Variants in GBF1 observed in about 807,000 individuals in gnomAD.
GBF1 encodes the protein Golgi-specific brefeldin A-resistance guanine nucleotide exchange factor 1.
A neutral mutation model predicts 210.5 loss-of-function variants in GBF1; 114 were observed. That is an observed-to-expected ratio of 0.54 (90% CI 0.47 to 0.63). The LOEUF (loss-of-function observed/expected upper bound fraction) is 0.63. Among genes scored for constraint, GBF1 ranks in the 30% least tolerant of loss-of-function variants. The pLI, the probability that GBF1 is intolerant of heterozygous loss-of-function variation, is 0.00. For synonymous variants in GBF1, 850 were observed against 889.2 expected (o/e 0.96, Z 0.78); for missense variants, 1,851 against 2,357.7 (o/e 0.79, Z 4.45).
chr10:102,252,877 A>G (rs1387814459), intron 1 of GBF1, among the ~76,000 whole-genome samples: 2 of 150,922 alleles, frequency 1.3e-5, no homozygotes, highest in Non-Finnish European at 2.9e-5. Context: ...TTAACTTTTT[A>G]GGGTCTTTTA....
intron 3 of GBF1, among the ~76,000 whole-genome samples, chr10:102,334,508 A>G (rs937952800): frequency 9.2e-5 from 14 of 152,330 alleles, no homozygotes; most frequent in African/African-American, 3.4e-4. Flanking sequence ...GGCCTTTGAC[A>G]TAGATTATCA....
At chr10:102,328,929 G>C (rs1208116702) in intron 3 of GBF1, among the ~76,000 whole-genome samples, 1 of 152,194 alleles carries the variant, frequency 6.6e-6, no homozygotes, top group Admixed American at 6.5e-5. Flanking sequence ...GCTGCTCCAA[G>C]TGTAATGACT....
intron 39 of GBF1, among the ~76,000 whole-genome samples, chr10:102,381,601 T>G (rs1169417871): frequency 6.6e-6 from 1 of 151,826 alleles, no homozygotes; most frequent in Admixed American, 6.6e-5. Flanking sequence ...GGCAGGTAGA[T>G]CACCTGAGGT....
chr10:102,231,518 C>A, the GBF1 span: 2,789 of 1,057,956 alleles, frequency 2.6e-3, 6 homozygotes, highest in Non-Finnish European at 3.4e-3. Context: ...GGTGGAACCG[C>A]TGGCCTCCGG....
rs1414179524 is a variant in GBF1 at position 102,351,870 on chromosome 10, G to A, written c.442G>A (p.Val148Met). ...QVLRTLLLTP[V>M]GAHLTNESVC... ...TCTACGGACTCTGCTGCTAACCCCA[G>A]TGGGTGCCCACCTAACCAATGAATC... The change falls in exon 6 of 40, where the codon GTG (valine) becomes ATG (methionine). Residue 148 changes from valine to methionine, a missense_variant. Val to Met is a conservative substitution (Grantham distance 21). This residue lies in a region of GBF1 where 804 missense variants were observed against 958.6 expected (regional missense o/e 0.84). Transcript: ENST00000369983. 6.2e-7 allele frequency: 1 copy of A among 1,608,842 alleles called. No individual in the cohort carries two copies. The highest frequency in any genetic ancestry group is 1.3e-5 in the African/African-American group (1 of 74,766).
chr10:102,354,951 G>A (rs1332112225), intron 8 of GBF1, among the ~76,000 whole-genome samples: 1 of 150,014 alleles, frequency 6.7e-6, no homozygotes, highest in Non-Finnish European at 1.5e-5. Flanking sequence ...CATTAAAGAG[G>A]TCATTCCAAG....
chr10:102,296,047 A>G (rs2076880752), intron 3 of GBF1, among the ~76,000 whole-genome samples: 1 of 152,210 alleles, frequency 6.6e-6, no homozygotes, highest in South Asian at 2.1e-4. Context: ...AATAAAACAC[A>G]ATATAATACT....
At chr10:102,292,444 A>G (rs916694380) in intron 3 of GBF1, among the ~76,000 whole-genome samples, 8 of 152,172 alleles carry the variant, frequency 5.3e-5, no homozygotes, top group African/African-American at 1.9e-4. Context: ...ATACTTCACT[A>G]CAGCCTTGAA....
intron 17 of GBF1, among the ~76,000 whole-genome samples, chr10:102,364,046 C>A (rs943111332): frequency 1.3e-5 from 2 of 152,204 alleles, no homozygotes; most frequent in African/African-American, 4.8e-5. Flanking sequence ...CCAAGTGTCA[C>A]TAGTGGCAGT....
intron 25 of GBF1, 38 bp from the exon 26 acceptor site, chr10:102,369,823 C>T (rs1225694245): frequency 6.2e-7 from 1 of 1,614,082 alleles, no homozygotes; most frequent in Non-Finnish European, 8.5e-7. Context: ...AGAGTCAGAA[C>T]TTTGGGGCTC....
At position 102,245,768 on chromosome 10, in the gene GBF1, G is replaced by C. The variant is rs1269293296; in HGVS notation, c.-24G>C. On this transcript the variant is annotated 5_prime_UTR_variant, in exon 1 of 40. Transcript: ENST00000369983. ...TCCTGGGACTAGGCCCCGCCATTTTGGATCCGCTGACAGGTCAGCGAAGTC... is the reference window on the plus strand; with the variant it reads ...TCCTGGGACTAGGCCCCGCCATTTTCGATCCGCTGACAGGTCAGCGAAGTC... 2 of 152,226 alleles carry C rather than the reference G, an allele frequency of 1.3e-5. No homozygotes were observed. Among genetic ancestry groups the C allele is most frequent in the African/African-American group, 4.8e-5 (2 of 41,448 alleles). 9.4% of individuals were successfully genotyped at this position (152,226 alleles called of 1,614,324 possible). A position where few individuals can be genotyped will look rare whatever the true frequency, so the allele number is the denominator to read the frequency against.
chr10:102,330,598 A>ATAGCTTG (rs1388558319), intron 3 of GBF1, among the ~76,000 whole-genome samples: 1 of 152,058 alleles, frequency 6.6e-6, no homozygotes, highest in Non-Finnish European at 1.5e-5. Context: ...AGGCAGGAGA[A>ATAGCTTG]TCGCTTGAAC....
intron 4 of GBF1, among the ~76,000 whole-genome samples, chr10:102,348,258 T>C (rs1312782131): frequency 6.6e-6 from 1 of 152,094 alleles, no homozygotes; most frequent in Admixed American, 6.6e-5. Flanking sequence ...GTTTAGAAAA[T>C]TAACTTTGCT....
Position 102,368,379 on chromosome 10 carries a change from C to T in GBF1, c.2804C>T (p.Thr935Ile). 1 of 1,614,044 alleles carries T rather than the reference C, an allele frequency of 6.2e-7. No individual in the cohort carries two copies. Among genetic ancestry groups the T allele is most frequent in the Non-Finnish European group, 8.5e-7 (1 of 1,179,876 alleles). The change falls in exon 22 of 40, where the codon ACT becomes ATT. Residue 935 changes from threonine to isoleucine, a missense_variant. Around this residue, in one of 3 missense-constraint regions of GBF1, gnomAD observed 967 missense variants for 1,247.7 expected, o/e 0.78. Transcript: ENST00000369983. ...CTCTTCACCATGACCTGGGGCCCCA[C>T]TATTGCTGCTCTCTCTTATGTCTTT... ...LDLFTMTWGP[T>I]IAALSYVFDK...
At chr10:102,230,704 G>A in the GBF1 span, 4 of 1,558,098 alleles carry the variant, frequency 2.6e-6, no homozygotes, top group South Asian at 1.2e-5. Context: ...GGCGGCCGAG[G>A]CATAAGGGCA....
At chr10:102,298,780 T>C (rs961951946) in intron 3 of GBF1, among the ~76,000 whole-genome samples, 2 of 152,218 alleles carry the variant, frequency 1.3e-5, no homozygotes, top group Non-Finnish European at 2.9e-5. Flanking sequence ...GAAGTGGGAC[T>C]GTAAACCTAG....
chr10:102,373,780 T>C (rs1363995385), intron 29 of GBF1, among the ~76,000 whole-genome samples: 2 of 152,176 alleles, frequency 1.3e-5, no homozygotes, highest in Non-Finnish European at 2.9e-5. Flanking sequence ...CCCTTGGACA[T>C]TTATCCCAGA....
At position 102,366,432 on chromosome 10, in the gene GBF1, C is replaced by G; in HGVS notation, c.2359C>G (p.Leu787Val). The change falls in exon 19 of 40, where the codon CTG becomes GTG. Residue 787 changes from leucine (L) to valine (V), a missense_variant. Physicochemically the swap from Leu to Val is conservative, Grantham distance 32. Coordinates refer to ENST00000369983, the MANE Select transcript of GBF1 (RefSeq NM_001377137.1). This position sits in a 1 kb window ranked among gnomAD's most constrained non-coding sequence, Gnocchi z 4.0. Reference sequence around the variant, plus strand: ...ACTGGACGAAGCCCTCCGCCTCTACCTGGAAGCCTTCCGTTTGCCTGGGGA... The same window carrying G: ...ACTGGACGAAGCCCTCCGCCTCTACGTGGAAGCCTTCCGTTTGCCTGGGGA... ...LRLDEALRLY[L>V]EAFRLPGEAP... 1 of 1,614,054 alleles carries G rather than the reference C, an allele frequency of 6.2e-7. No homozygotes were observed. Among genetic ancestry groups the G allele is most frequent in the African/African-American group, 1.3e-5 (1 of 75,046 alleles).
At chr10:102,317,914 A>ATTTG (rs1448429387) in intron 3 of GBF1, among the ~76,000 whole-genome samples, 4 of 151,206 alleles carry the variant, frequency 2.6e-5, no homozygotes, top group Non-Finnish European at 5.9e-5. Context: ...TTATTTATTT[A>ATTTG]TTTATTTATT....
Sources: allele counts gnomAD v4.1 joint callset (sites outside exome capture counted in the v4.1 genomes callset), GRCh38; gene constraint gnomAD v4.1.1; regional missense constraint gnomAD v4.1.1; non-coding constraint Gnocchi (gnomAD v3.1); transcripts MANE v1.5; gene names NCBI Gene and HGNC (gene_info 2026-07-23, HGNC 2026-07-21).